Variants in VOPP1 observed in about 807,000 individuals in gnomAD.
VOPP1 encodes the protein WW domain binding protein VOPP1.
In VOPP1, 8 loss-of-function variants were observed where a neutral mutation model predicts 23.5. That is an observed-to-expected ratio of 0.34 (90% CI 0.20 to 0.61). VOPP1 has a LOEUF of 0.61. Ranked by LOEUF, VOPP1 falls within the 20% of genes least tolerant of loss-of-function variation. The pLI, the probability that VOPP1 is intolerant of heterozygous loss-of-function variation, is 0.78. For synonymous variants in VOPP1, 83 were observed against 97.3 expected, an observed-to-expected ratio of 0.85 and a Z score of 0.86; for missense variants, 174 against 238.1, an observed-to-expected ratio of 0.73 and a Z score of 1.77.
intron 1 of VOPP1, among the ~76,000 whole-genome samples, chr7:55,556,441 G>A (rs1007975597): frequency 6.6e-6 from 1 of 152,106 alleles, no homozygotes. Flanking sequence ...CATTACTTAG[G>A]ATAACATGAT....
intron 4 of VOPP1, among the ~76,000 whole-genome samples, chr7:55,491,237 C>T (rs1793544933): frequency 6.6e-6 from 1 of 152,228 alleles, no homozygotes; most frequent in Admixed American, 6.5e-5. Context: ...CATATATTAA[C>T]ATAAGACCTA....
chr7:55,520,935 G>T, intron 2 of VOPP1, 137 bp downstream of exon 2: 2 of 863,666 alleles, frequency 2.3e-6, no homozygotes, highest in Non-Finnish European at 3.6e-6. Flanking sequence ...TCATCCCCCA[G>T]TGAGGCAAGC....
downstream of VOPP1, among the ~76,000 whole-genome samples, chr7:55,468,492 G>A (rs1791691699): frequency 6.6e-6 from 1 of 152,158 alleles, no homozygotes; most frequent in Non-Finnish European, 1.5e-5. Context: ...CCCAGCGGAG[G>A]TGCAACGGTC....
chr7:55,467,270 G>A (rs1302352693), downstream of VOPP1, among the ~76,000 whole-genome samples: 1 of 152,218 alleles, frequency 6.6e-6, no homozygotes, highest in East Asian at 1.9e-4. Context: ...AACAAGCTCT[G>A]GGCCTTTAAT....
At chr7:55,523,672 T>G (rs1796007531) in intron 1 of VOPP1, among the ~76,000 whole-genome samples, 1 of 152,196 alleles carries the variant, frequency 6.6e-6, no homozygotes, top group Admixed American at 6.5e-5. Context: ...TCCCTTACAT[T>G]TCTCCTTTTT....
chr7:55,522,787 G>A (rs1396219042), intron 1 of VOPP1, among the ~76,000 whole-genome samples: 1 of 152,336 alleles, frequency 6.6e-6, no homozygotes, highest in East Asian at 1.9e-4. Context: ...CAAAGGGCTG[G>A]CACTGGAAAT....
intron 1 of VOPP1, among the ~76,000 whole-genome samples, chr7:55,543,635 T>A (rs1051082636): frequency 1.3e-5 from 2 of 152,218 alleles, no homozygotes; most frequent in Non-Finnish European, 2.9e-5. Context: ...ATGGTTTTGA[T>A]TTGCATTTCC....
In VOPP1 at chr7:55,471,549, C is replaced by T. The variant is rs1245644743; in HGVS notation, c.*1306G>A. On this transcript the variant is annotated 3_prime_UTR_variant, in exon 5 of 5. Transcript: ENST00000285279. Reference sequence around the variant, plus strand: ...TAGTAATCTAGGCGCCTCAGCTAAGCTGCATAGCTCTTAGCACACAGGACA... The same window carrying T: ...TAGTAATCTAGGCGCCTCAGCTAAGTTGCATAGCTCTTAGCACACAGGACA... 1.3e-5 allele frequency: 2 copies of T among 150,690 alleles called. No individual in the cohort carries two copies. Among genetic ancestry groups the T allele is most frequent in the African/African-American group, 4.9e-5 (2 of 41,108 alleles). 9.3% of individuals were successfully genotyped at this position (150,690 alleles called of 1,614,324 possible). A position where few individuals can be genotyped will look rare whatever the true frequency, so the allele number is the denominator to read the frequency against.
chr7:55,461,543 G>A (rs1221050832), intron 4 of VOPP1, among the ~76,000 whole-genome samples: 4 of 151,982 alleles, frequency 2.6e-5, no homozygotes, highest in Admixed American at 1.3e-4. Flanking sequence ...TTAGCCTCCC[G>A]AGTAGCTGGG....
Position 55,547,220 on chromosome 7 carries a change from G to C in VOPP1, c.54+25051C>G, listed in dbSNP as rs1797403985. 2.0e-5 allele frequency among the ~76,000 whole-genome samples: 3 copies of C among 152,268 alleles called. No individual in the cohort carries two copies. The South Asian group carries it at 6.2e-4, about 32-fold the overall frequency. ...GATCCAACCCTGTCCCACCTCTGAG[G>C]CTGGGGACGGGGGACAAAGGGGCTC... On this transcript the variant is annotated intron_variant, in intron 1 of 4. Coordinates refer to ENST00000285279, the MANE Select transcript of VOPP1 (RefSeq NM_030796.5).
intron 2 of VOPP1, among the ~76,000 whole-genome samples, chr7:55,511,109 A>C (rs559682110): frequency 4.6e-5 from 7 of 152,300 alleles, no homozygotes; most frequent in African/African-American, 1.7e-4. Context: ...AAAGGTTTTG[A>C]CTTAAACAGA....
chr7:55,534,499 C>A (rs995151594), intron 1 of VOPP1, among the ~76,000 whole-genome samples: 1 of 152,222 alleles, frequency 6.6e-6, no homozygotes, highest in Non-Finnish European at 1.5e-5. Context: ...ATTTAGAGCC[C>A]TGGGCTCAGT....
At chr7:55,439,058 G>A (rs573439047) in intron 4 of VOPP1, among the ~76,000 whole-genome samples, 2 of 152,320 alleles carry the variant, frequency 1.3e-5, no homozygotes, top group South Asian at 4.1e-4. Context: ...TGAGTTCAAG[G>A]TGGTTTATTA....
At chr7:55,491,743 C>T (rs1249153038) in intron 4 of VOPP1, among the ~76,000 whole-genome samples, 1 of 152,190 alleles carries the variant, frequency 6.6e-6, no homozygotes, top group Non-Finnish European at 1.5e-5. Flanking sequence ...AAACAGACTA[C>T]ATGTGACCTG....
At chr7:55,486,063 C>T (rs1248189792) in intron 4 of VOPP1, among the ~76,000 whole-genome samples, 1 of 152,178 alleles carries the variant, frequency 6.6e-6, no homozygotes, top group Non-Finnish European at 1.5e-5. Context: ...ATGCAGGCAC[C>T]CATGAGTGGA....
chr7:55,563,832 T>C (rs777376158), intron 1 of VOPP1, among the ~76,000 whole-genome samples: 2 of 152,196 alleles, frequency 1.3e-5, no homozygotes, highest in Non-Finnish European at 2.9e-5. Flanking sequence ...GCTTAACCTG[T>C]ATGTTCCACT....
chr7:55,527,371 A>T (rs945807634), intron 1 of VOPP1, among the ~76,000 whole-genome samples: 3 of 152,196 alleles, frequency 2.0e-5, no homozygotes, highest in Non-Finnish European at 4.4e-5. Context: ...AACCCTTAAG[A>T]AAATAACAGA....
At chr7:55,560,953 G>A (rs1285389785) in intron 1 of VOPP1, among the ~76,000 whole-genome samples, 2 of 152,000 alleles carry the variant, frequency 1.3e-5, no homozygotes, top group South Asian at 2.1e-4. Flanking sequence ...CTGCCATCCC[G>A]CGTCAATCCC....
intron 2 of VOPP1, among the ~76,000 whole-genome samples, chr7:55,510,691 G>A (rs1795019022): frequency 6.6e-6 from 1 of 151,728 alleles, no homozygotes; most frequent in Non-Finnish European, 1.5e-5. Flanking sequence ...GCATGCAGGA[G>A]GGAGTCTCAG....
Sources: allele counts gnomAD v4.1 joint callset (sites outside exome capture counted in the v4.1 genomes callset), GRCh38; gene constraint gnomAD v4.1.1; transcripts MANE v1.5; gene names NCBI Gene and HGNC (gene_info 2026-07-23, HGNC 2026-07-21).